Variants in PLK4 observed in about 807,000 individuals in gnomAD.
The protein encoded by PLK4 is polo like kinase 4.
Under a neutral mutation model 103.0 loss-of-function variants are expected in PLK4, and 51 were observed. The observed-to-expected ratio is 0.50, with a 90% CI of 0.40 to 0.63. The LOEUF is 0.63. Among genes scored for constraint, PLK4 ranks in the 20% least tolerant of loss-of-function variants. The pLI, the probability that PLK4 is intolerant of heterozygous loss-of-function variation, is 0.00. For missense variants in PLK4, 1,054 were observed against 1,151.0 expected, an observed-to-expected ratio of 0.92 and a Z score of 1.22; for synonymous variants, 389 against 376.8, an observed-to-expected ratio of 1.03 and a Z score of -0.38.
chr4:127,881,267 C>T (rs1046805501), intron 1 of PLK4, 103 bp downstream of exon 1: 20 of 1,583,796 alleles, frequency 1.3e-5, no homozygotes, highest in Non-Finnish European at 1.1e-5. Context: ...GGCTGCGGGG[C>T]GGGCACCGAG....
chr4:127,881,698 C>T (rs1410529444), intron 1 of PLK4, 133 bp from the exon 2 acceptor site: 41 of 646,070 alleles, frequency 6.3e-5, no homozygotes, highest in Non-Finnish European at 8.3e-5. Flanking sequence ...ACACCTGCTG[C>T]ATCGAGGTGT....
chr4:127,883,203 T>C (rs1734993510), intron 2 of PLK4, 59 bp from the exon 3 acceptor site: 6 of 851,272 alleles, frequency 7.0e-6, no homozygotes, highest in Non-Finnish European at 1.1e-5. Flanking sequence ...ATTTTCAAAG[T>C]TCACTTTTAA....
At position 127,898,614 on chromosome 4, in the gene PLK4, T is replaced by C; in HGVS notation, c.*73T>C. ...GACTTTCAAGTAAAGTGATTTTTTT[T>C]AATTTAACATAAAGTCTTCAGAAAG... On this transcript the variant is annotated 3_prime_UTR_variant, in exon 16 of 16. Transcript: ENST00000270861. The C allele has an allele frequency of 1.4e-6, 1 of 738,724 alleles. No homozygotes were observed. Among genetic ancestry groups the C allele is most frequent in the South Asian group, 1.7e-5 (1 of 59,920 alleles). The allele number at this position is 738,724 out of a possible 1,614,324, so 45.8% of individuals were successfully genotyped here. A position where few individuals can be genotyped will look rare whatever the true frequency, so the allele number is the denominator to read the frequency against.
chr4:127,896,017 G>A (rs570236344), intron 14 of PLK4, among the ~76,000 whole-genome samples: 1 of 152,286 alleles, frequency 6.6e-6, no homozygotes, highest in South Asian at 2.1e-4. Flanking sequence ...CCTGACACAT[G>A]TACTTTTACT....
In PLK4 at chr4:127,895,075, T is replaced by G. The variant is rs1735512727; in HGVS notation, c.2685T>G (p.Asn895Lys). The stretch of plus-strand genomic sequence containing the variant: ...TTTTGAAATCTGTTTTTGTGAAAAA[T>G]GTTGGTTGGGCTACACAGGTGAGAA... The part of the protein sequence containing the change: ...AQLLKSVFVK[N>K]VGWATQLTSG... The change falls in exon 14 of 16, where the codon AAT (asparagine) becomes AAG (lysine). Residue 895 changes from asparagine to lysine, a missense_variant. This residue lies in a region of PLK4 where 167 missense variants were observed against 200.7 expected (regional missense o/e 0.83). Transcript: ENST00000270861. 6.2e-7 allele frequency: 1 copy of G among 1,611,990 alleles called. No individual in the cohort carries two copies. The highest frequency in any genetic ancestry group is 2.2e-5 in the East Asian group (1 of 44,724).
In PLK4 at chr4:127,893,337, G is replaced by A. The variant is rs56250604; in HGVS notation, c.2241G>A (p.Gly747=). 0.027 allele frequency: 43,198 copies of A among 1,600,428 alleles called. 2,765 individuals are homozygous for A. In the East Asian group the frequency reaches 0.29, roughly 11 times the overall value. ...EDFIQVIEKT[G]KSYTLKSESE... ...TCATTCAGGTGATTGAAAAGACAGGGAAGTCTTACACTTTAAAAAGTGAAA... is the reference window on the plus strand; with the variant it reads ...TCATTCAGGTGATTGAAAAGACAGGAAAGTCTTACACTTTAAAAAGTGAAA... The change falls in exon 11 of 16, where the codon GGG becomes GGA. Residue 747 remains glycine, a synonymous_variant. Coordinates refer to ENST00000270861, the MANE Select transcript of PLK4 (RefSeq NM_014264.5).
chr4:127,890,148 G>A lies in PLK4; in HGVS notation c.1742G>A (p.Gly581Asp), dbSNP rs752936720. The A allele has an allele frequency of 1.2e-6, 2 of 1,613,878 alleles. No individual in the cohort carries two copies. The highest frequency in any genetic ancestry group is 1.7e-5 in the Admixed American group (1 of 60,014). ...ACTAGGGGTATGGAGCCACCATGGG[G>A]TTATCAGAATCGTACATTAAGAAGC... Reference protein sequence around the residue: ...SKTRGMEPPWGYQNRTLRSIT... With the variant: ...SKTRGMEPPWDYQNRTLRSIT... Residue 581 changes from glycine to aspartate, a missense_variant, in exon 7 of 16, where the codon GGT (glycine) becomes GAT (aspartate). By Grantham distance (94) the Gly-to-Asp change is moderately conservative (BLOSUM62 -1). Coordinates refer to ENST00000270861, the MANE Select transcript of PLK4 (RefSeq NM_014264.5).
rs773212834 is a variant in PLK4 at position 127,894,949 on chromosome 4, G to A, written c.2563-4G>A. The A allele has an allele frequency of 3.8e-6, 6 of 1,569,770 alleles. No individual in the cohort carries two copies. The highest frequency in any genetic ancestry group is 8.7e-7 in the Non-Finnish European group (1 of 1,154,982). On this transcript the variant is annotated splice_region_variant and splice_polypyrimidine_tract_variant and intron_variant, in intron 13 of 15. Coordinates refer to ENST00000270861, the MANE Select transcript of PLK4 (RefSeq NM_014264.5). ...AATATCTTCCTGTCCTTTATTCTTT[G>A]TAGATGGTTACAAATGAAGGACTTG...
At position 127,886,367 on chromosome 4, in the gene PLK4, G is replaced by A. The variant is rs745318780; in HGVS notation, c.997G>A (p.Asp333Asn). 3.7e-6 allele frequency: 6 copies of A among 1,613,768 alleles called. No homozygotes were observed. The highest frequency in any genetic ancestry group is 5.1e-6 in the Non-Finnish European group (6 of 1,179,886). Reference protein sequence around the residue: ...TVFPKNKSSTDFSSSGDGNSF... With the variant: ...TVFPKNKSSTNFSSSGDGNSF... ...ATTTCCAAAGAATAAAAGTTCAACTGATTTTTCTTCTTCAGGAGATGGAAA... is the reference window on the plus strand; with the variant it reads ...ATTTCCAAAGAATAAAAGTTCAACTAATTTTTCTTCTTCAGGAGATGGAAA... Residue 333 changes from aspartate (D) to asparagine (N), a missense_variant, in exon 5 of 16, where the codon GAT becomes AAT. By Grantham distance (23) the Asp-to-Asn change is conservative (BLOSUM62 1). Transcript: ENST00000270861.
chr4:127,885,895 T>G lies in PLK4; in HGVS notation c.525T>G (p.Pro175=), dbSNP rs1735105102. 1 of 1,614,132 alleles carries G rather than the reference T, an allele frequency of 6.2e-7. No homozygotes were observed. The highest frequency in any genetic ancestry group is 1.1e-5 in the South Asian group (1 of 91,084). The change falls in exon 5 of 16, where the codon CCT becomes CCG. Residue 175 remains proline (P), a synonymous_variant. Transcript: ENST00000270861. The stretch of plus-strand genomic sequence containing the variant: ...AGCACTATACATTATGTGGAACTCC[T>G]AACTACATTTCACCAGAAATTGCCA... ...HEKHYTLCGT[P]NYISPEIATR...
chr4:127,891,783 A>G (rs1735369746), intron 9 of PLK4, 102 bp downstream of exon 9: 1 of 407,968 alleles, frequency 2.5e-6, no homozygotes, highest in Non-Finnish European at 4.4e-6. Flanking sequence ...GCTTCAGTCA[A>G]ACTTTAGGTC....
At chr4:127,892,203 T>C in intron 9 of PLK4, 162 bp from the exon 10 acceptor site, 1 of 470,998 alleles carries the variant, frequency 2.1e-6, no homozygotes. Context: ...TATTATGGAC[T>C]ATGGACATAA....
chr4:127,886,408 G>A lies in PLK4; in HGVS notation c.1038G>A (p.Gln346=). The change falls in exon 5 of 16, where the codon CAG becomes CAA. Residue 346 remains glutamine (Q), a synonymous_variant. Transcript: ENST00000270861. ...GAGATGGAAACAGTTTTTATACTCA[G>A]TGGGGAAATCAAGAAACCAGTAATA... ...SSGDGNSFYT[Q]WGNQETSNSG... is the part of the protein sequence containing the mutation. The A allele has an allele frequency of 1.9e-6, 3 of 1,614,024 alleles. No individual in the cohort carries two copies. Among genetic ancestry groups the A allele is most frequent in the Non-Finnish European group, 2.5e-6 (3 of 1,179,904 alleles).
chr4:127,883,305 T>C lies in PLK4; in HGVS notation c.170T>C (p.Val57Ala), dbSNP rs1205650528. Reference protein sequence around the residue: ...AMYKAGMVQRVQNEVKIHCQL... With the variant: ...AMYKAGMVQRAQNEVKIHCQL... ...TACAAAGCAGGAATGGTACAGAGAG[T>C]CCAAAATGAGGTGAAAATACATTGC... Residue 57 changes from valine (V) to alanine (A), a missense_variant, in exon 3 of 16, where the codon GTC (valine) becomes GCC (alanine). This residue lies in a region of PLK4 where 199 missense variants were observed against 270.1 expected (regional missense o/e 0.74). Transcript: ENST00000270861. 6.2e-7 allele frequency: 1 copy of C among 1,604,232 alleles called. No homozygotes were observed. Among genetic ancestry groups the C allele is most frequent in the African/African-American group, 1.3e-5 (1 of 74,798 alleles).
chr4:127,885,921 C>G lies in PLK4; in HGVS notation c.551C>G (p.Thr184Ser). The change falls in exon 5 of 16, where the codon ACT becomes AGT. Residue 184 changes from threonine to serine, a missense_variant. Transcript: ENST00000270861. The part of the protein sequence containing the change: ...TPNYISPEIA[T>S]RSAHGLESDV... ...AACTACATTTCACCAGAAATTGCCA[C>G]TCGAAGTGCACATGGCCTTGAATCT... is the stretch of plus-strand genomic sequence containing the variant. The G allele has an allele frequency of 6.2e-7, 1 of 1,614,114 alleles. No homozygotes were observed. Among genetic ancestry groups the G allele is most frequent in the Middle Eastern group, 1.6e-4 (1 of 6,062 alleles).
chr4:127,888,264 T>C (rs1383931100), intron 6 of PLK4, among the ~76,000 whole-genome samples: 3 of 148,988 alleles, frequency 2.0e-5, no homozygotes, highest in African/African-American at 7.4e-5. Flanking sequence ...GAATATTTGC[T>C]GTAAGTCAGC....
In PLK4 at chr4:127,881,147, A is replaced by T; in HGVS notation, c.13A>T (p.Ile5Phe). The T allele has an allele frequency of 6.2e-7, 1 of 1,614,018 alleles. No individual in the cohort carries two copies. Among genetic ancestry groups the T allele is most frequent in the Non-Finnish European group, 8.5e-7 (1 of 1,180,010 alleles). Reference protein sequence around the residue: MATCIGEKIEDFKVG... With the variant: MATCFGEKIEDFKVG... The stretch of plus-strand genomic sequence containing the variant: ...AGAGCCTGGAAATATGGCGACCTGC[A>T]TCGGGGAGAAGATCGAGGTGAAAAG... The change falls in exon 1 of 16, where the codon ATC (isoleucine) becomes TTC (phenylalanine). Residue 5 changes from isoleucine to phenylalanine, a missense_variant. Physicochemically the swap from Ile to Phe is conservative, Grantham distance 21 (BLOSUM62 0). Transcript: ENST00000270861.
intron 15 of PLK4, among the ~76,000 whole-genome samples, chr4:127,897,855 T>G (rs1390524775): frequency 1.5e-5 from 2 of 132,140 alleles, no homozygotes; most frequent in African/African-American, 2.9e-5. Context: ...TTTTTTTTTT[T>G]TTTGAGACAG....
rs570784680 is a variant in PLK4 at position 127,886,194 on chromosome 4, A to G, written c.824A>G (p.Asp275Gly). 1 of 1,614,110 alleles carries G rather than the reference A, an allele frequency of 6.2e-7. No individual in the cohort carries two copies. The highest frequency in any genetic ancestry group is 1.1e-5 in the South Asian group (1 of 91,058). ...MSRNSSTKSK[D>G]LGTVEDSIDS... ...CGAAATTCTTCAACAAAAAGTAAAG[A>G]TTTAGGAACTGTGGAAGACTCAATT... The change falls in exon 5 of 16, where the codon GAT becomes GGT. Residue 275 changes from aspartate to glycine, a missense_variant. Asp to Gly is a moderately conservative substitution (Grantham distance 94). Around this residue, in one of 4 missense-constraint regions of PLK4, gnomAD observed 680 missense variants for 660.3 expected, o/e 1.03. Coordinates refer to ENST00000270861, the MANE Select transcript of PLK4 (RefSeq NM_014264.5).
Sources: allele counts gnomAD v4.1 joint callset (sites outside exome capture counted in the v4.1 genomes callset), GRCh38; gene constraint gnomAD v4.1.1; regional missense constraint gnomAD v4.1.1; transcripts MANE v1.5; gene names NCBI Gene and HGNC (gene_info 2026-07-23, HGNC 2026-07-21).